The following CYB5R4 variants were observed in gnomAD, a reference collection of about 807,000 sequenced individuals.
The protein encoded by CYB5R4 is N-terminal cytochrome b5 and cytochrome b5 oxidoreductase domain-containing protein.
CYB5R4 carries 55 observed loss-of-function variants against 70.2 expected under a neutral mutation model. The observed-to-expected ratio is 0.78, with a 90% confidence interval of 0.63 to 0.98. CYB5R4 has a LOEUF of 0.98. Among genes scored for constraint, CYB5R4 ranks in the 50% least tolerant of loss-of-function variants. The probability of loss-of-function intolerance (pLI) is 0.00; values close to 1 mark genes in which losing one functional copy is unlikely to be tolerated. For missense variants in CYB5R4, 562 were observed against 612.6 expected (o/e 0.92, Z 0.87); for synonymous variants, 197 against 199.5 (o/e 0.99, Z 0.11).
chr6:83,860,022 C>T (rs2099455687), intron 1 of CYB5R4, among the ~76,000 whole-genome samples, 165 bp downstream of exon 1: 1 of 152,162 alleles, frequency 6.6e-6, no homozygotes, highest in African/African-American at 2.4e-5. Flanking sequence ...TCTACAGTCC[C>T]TAAACTCTCC....
Position 83,936,394 on chromosome 6 carries a change from T to C in CYB5R4, c.1108+18T>C. On this transcript the variant is annotated intron_variant, in intron 12 of 15. Coordinates refer to ENST00000369681, the MANE Select transcript of CYB5R4 (RefSeq NM_016230.4). ...TCAGATTGGTTAGTATTTTTACATT[T>C]TTTAAACCTCATTTGTGCTCTAGAT... 6.2e-7 allele frequency: 1 copy of C among 1,608,478 alleles called. No homozygotes were observed. Among genetic ancestry groups the C allele is most frequent in the South Asian group, 1.1e-5 (1 of 90,668 alleles).
In CYB5R4 at chr6:83,859,722, C is replaced by A; in HGVS notation, c.-61C>A. ...CCTCTGCCCGGCCACAGAGCCGGAG[C>A]TGGAGGTGCTGTCCCGTCTGGCGGC... On this transcript the variant is annotated 5_prime_UTR_variant, in exon 1 of 16. In the 5' UTR this introduces an upstream ATG that the reference lacks. Transcript: ENST00000369681. The A allele has an allele frequency of 1.3e-6, 2 of 1,573,554 alleles. No individual in the cohort carries two copies. Among genetic ancestry groups the A allele is most frequent in the Non-Finnish European group, 1.7e-6 (2 of 1,149,642 alleles).
intron 14 of CYB5R4, among the ~76,000 whole-genome samples, chr6:83,942,275 G>A (rs1389357315): frequency 6.6e-6 from 1 of 152,152 alleles, no homozygotes; most frequent in African/African-American, 2.4e-5. Context: ...TGAGATACCT[G>A]GTTCATCTCA....
chr6:83,910,109 C>A (rs1438485482), intron 4 of CYB5R4: 4 of 1,605,598 alleles, frequency 2.5e-6, no homozygotes, highest in Non-Finnish European at 3.4e-6. Flanking sequence ...GAGATAGACA[C>A]CAGGACCTAT....
intron 5 of CYB5R4, among the ~76,000 whole-genome samples, 187 bp from the exon 6 acceptor site, chr6:83,917,818 G>A (rs965349461): frequency 1.3e-5 from 2 of 152,096 alleles, no homozygotes; most frequent in South Asian, 4.1e-4. Flanking sequence ...AGTGCTGACT[G>A]CAAGGGTATG....
In CYB5R4 at chr6:83,890,561, CTTAG is replaced by C. The variant is rs1460939548; in HGVS notation, c.230-2958_230-2955del. Among the ~76,000 whole-genome samples the C allele has an allele frequency of 6.6e-5, 10 of 152,290 alleles. No individual in the cohort carries two copies. The East Asian group carries it at 1.9e-3, about 29-fold the overall frequency. On this transcript the variant is annotated intron_variant, in intron 2 of 15. Coordinates refer to ENST00000369681, the MANE Select transcript of CYB5R4 (RefSeq NM_016230.4). ...CAAAGGATTTATAATATTACATACA[CTTAG>C]TTCGTAAAACAACAGCAGGGTTTGA...
chr6:83,911,703 C>A (rs2099464708), intron 4 of CYB5R4, among the ~76,000 whole-genome samples: 1 of 152,048 alleles, frequency 6.6e-6, no homozygotes. Flanking sequence ...TTCTGTGCTT[C>A]AATAACACCT....
Position 83,861,216 on chromosome 6 carries a change from C to T in CYB5R4, c.75+1359C>T, listed in dbSNP as rs145094968. Among the ~76,000 whole-genome samples the T allele has an allele frequency of 3.3e-5, 5 of 152,294 alleles. No homozygotes were observed. The East Asian group carries it at 9.6e-4, about 29-fold the overall frequency. On this transcript the variant is annotated intron_variant, in intron 1 of 15. Coordinates refer to ENST00000369681, the MANE Select transcript of CYB5R4 (RefSeq NM_016230.4). Reference sequence around the variant, plus strand: ...TTAGAAGCAAAGACAAAAAGTCACACAGGGGGCGATGGCAAAGGTGAGTTT... The same window carrying T: ...TTAGAAGCAAAGACAAAAAGTCACATAGGGGGCGATGGCAAAGGTGAGTTT...
At chr6:83,938,327 A>G (rs1476989967) in intron 12 of CYB5R4, among the ~76,000 whole-genome samples, 2 of 152,228 alleles carry the variant, frequency 1.3e-5, no homozygotes, top group African/African-American at 4.8e-5. Context: ...TAGAGCATGG[A>G]AAGGGAAAGC....
intron 2 of CYB5R4, among the ~76,000 whole-genome samples, chr6:83,883,049 A>G (rs985821264): frequency 7.9e-5 from 12 of 151,972 alleles, no homozygotes; most frequent in Admixed American, 4.6e-4. Context: ...TAGAAACTAA[A>G]AAATAGAAAT....
intron 2 of CYB5R4, among the ~76,000 whole-genome samples, chr6:83,876,618 A>G (rs2099458598): frequency 6.6e-6 from 1 of 150,516 alleles, no homozygotes; most frequent in African/African-American, 2.5e-5. Flanking sequence ...ATATACTTCC[A>G]TTTTCCTTTT....
chr6:83,956,677 A>G (rs2099472478), intron 15 of CYB5R4, among the ~76,000 whole-genome samples: 2 of 152,130 alleles, frequency 1.3e-5, no homozygotes, highest in Non-Finnish European at 2.9e-5. Flanking sequence ...ACAGATGCAA[A>G]TTTTCCCCCA....
rs1326540892 is a variant in CYB5R4, at chr6:83,965,698, G to C, written c.*5820G>C. On this transcript the variant is annotated 3_prime_UTR_variant, in exon 16 of 16. Transcript: ENST00000369681. ...GAGGACATAAGATTTGGAGGAGCCA[G>C]GGGTGGGATGATATGGTTTGGCTCT... 1 of 152,144 alleles carries C rather than the reference G, an allele frequency of 6.6e-6. No individual in the cohort carries two copies. The highest frequency in any genetic ancestry group is 2.4e-5 in the African/African-American group (1 of 41,446). The allele number at this position is 152,144 out of a possible 1,614,324, so 9.4% of individuals were successfully genotyped here.
At chr6:83,935,783 C>G (rs61756896) in intron 11 of CYB5R4, among the ~76,000 whole-genome samples, 1 of 151,856 alleles carries the variant, frequency 6.6e-6, no homozygotes, top group Admixed American at 6.6e-5. Context: ...CCTTTTTCTC[C>G]GCCAAATGAT....
chr6:83,898,986 G>A (rs556180335), intron 3 of CYB5R4, among the ~76,000 whole-genome samples: 5 of 152,140 alleles, frequency 3.3e-5, no homozygotes, highest in South Asian at 4.2e-4. Flanking sequence ...CCCTGGCCAG[G>A]ACTTCCAACA....
At chr6:83,948,733 T>A (rs1475337413) in intron 14 of CYB5R4, among the ~76,000 whole-genome samples, 3 of 152,216 alleles carry the variant, frequency 2.0e-5, no homozygotes, top group Admixed American at 2.0e-4. Flanking sequence ...ACATAAAGTA[T>A]CTTTTAATAG....
intron 12 of CYB5R4, among the ~76,000 whole-genome samples, chr6:83,939,396 G>T (rs2099469408): frequency 6.6e-6 from 1 of 152,146 alleles, no homozygotes; most frequent in South Asian, 2.1e-4. Flanking sequence ...TCTCAACTGT[G>T]TTGATTCTAG....
chr6:83,954,825 G>A (rs2099472083), intron 14 of CYB5R4, among the ~76,000 whole-genome samples: 1 of 151,820 alleles, frequency 6.6e-6, no homozygotes, highest in Non-Finnish European at 1.5e-5. Flanking sequence ...CGATCCTCCT[G>A]CCTCAGCTTC....
At chr6:83,936,135 C>A in intron 11 of CYB5R4, 89 bp from the exon 12 acceptor site, 1 of 876,256 alleles carries the variant, frequency 1.1e-6, no homozygotes, top group Non-Finnish European at 1.7e-6. Flanking sequence ...TAAATATATA[C>A]TGATAGTGTC....
Sources: allele counts gnomAD v4.1 joint callset (sites outside exome capture counted in the v4.1 genomes callset), GRCh38; gene constraint gnomAD v4.1.1; transcripts MANE v1.5; gene names NCBI Gene and HGNC (gene_info 2026-07-23, HGNC 2026-07-21).